Variants in IRF2 observed in about 807,000 individuals in gnomAD.
IRF2 encodes the protein interferon regulatory factor 2.
Under a neutral mutation model 40.6 loss-of-function variants are expected in IRF2, and 15 were observed. The observed-to-expected ratio is 0.37, with a 90% CI of 0.25 to 0.57. The LOEUF (loss-of-function observed/expected upper bound fraction) is 0.57. IRF2 is among the 20% of genes least tolerant of loss of function. The pLI is 0.77. For missense variants in IRF2, 317 were observed against 455.7 expected (o/e 0.70, Z 2.77); for synonymous variants, 151 against 165.5 (o/e 0.91, Z 0.67).
chr4:184,473,802 T>C (rs1739621248), intron 1 of IRF2, among the ~76,000 whole-genome samples: 2 of 151,894 alleles, frequency 1.3e-5, no homozygotes, highest in South Asian at 4.2e-4. Context: ...TGCCTGCTTA[T>C]TTACGCTGGA....
At chr4:184,449,564 G>A (rs1738639157) in intron 1 of IRF2, among the ~76,000 whole-genome samples, 2 of 152,222 alleles carry the variant, frequency 1.3e-5, no homozygotes, top group South Asian at 4.1e-4. Flanking sequence ...AATGACGGAA[G>A]GAGCTTGCAG....
At chr4:184,460,683 A>ACG (rs1491581763) in intron 1 of IRF2, among the ~76,000 whole-genome samples, 1 of 150,896 alleles carries the variant, frequency 6.6e-6, no homozygotes, top group South Asian at 2.1e-4. Context: ...ACACACATGC[A>ACG]CGCACACACA....
chr4:184,443,791 C>G lies in IRF2; in HGVS notation c.-6-14721G>C, dbSNP rs1221419764. Among the ~76,000 whole-genome samples, 4 of 152,094 alleles carry G rather than the reference C, an allele frequency of 2.6e-5. No homozygotes were observed. In the East Asian group the frequency reaches 7.7e-4, roughly 29 times the overall value. ...TTAGTTCTTTGAGAAATCCAGGAGA[C>G]AGTTTTAAATCCACCCATCCCAGAA... On this transcript the variant is annotated intron_variant, in intron 1 of 8. Coordinates refer to ENST00000393593, the MANE Select transcript of IRF2 (RefSeq NM_002199.4).
At chr4:184,428,731 C>T (rs373368372) in intron 2 of IRF2, 453 of 538,546 alleles carry the variant, frequency 8.4e-4, no homozygotes, top group African/African-American at 3.2e-3. Flanking sequence ...CCCAAGAGGT[C>T]GAGGCTGCAG....
Position 184,465,201 on chromosome 4 carries a change from G to A in IRF2, c.-7+9178C>T, listed in dbSNP as rs115630747. ...AAGCCACCAATCTAAGTGTCTCCAA[G>A]TAGCCACAGCTGTCTGAGGACAAAG... On this transcript the variant is annotated intron_variant, in intron 1 of 8. Coordinates refer to ENST00000393593, the MANE Select transcript of IRF2 (RefSeq NM_002199.4). 5.5e-3 allele frequency among the ~76,000 whole-genome samples: 835 copies of A among 152,276 alleles called. 10 individuals carry two copies. The highest frequency in any genetic ancestry group is 0.019 in the African/African-American group (789 of 41,552).
intron 5 of IRF2, among the ~76,000 whole-genome samples, chr4:184,409,719 C>G (rs1737001675): frequency 6.6e-6 from 1 of 152,048 alleles, no homozygotes; most frequent in Non-Finnish European, 1.5e-5. Flanking sequence ...CATAGCAAGA[C>G]CCTGTCTCTA....
At chr4:184,471,955 A>G (rs1248284478) in intron 1 of IRF2, 2 of 152,264 alleles carry the variant, frequency 1.3e-5, no homozygotes, top group Non-Finnish European at 2.9e-5. Flanking sequence ...TTTAATTTTA[A>G]CAAGCAGTTA....
chr4:184,464,470 A>T (rs1389026202), intron 1 of IRF2, among the ~76,000 whole-genome samples: 1 of 152,182 alleles, frequency 6.6e-6, no homozygotes, highest in Non-Finnish European at 1.5e-5. Flanking sequence ...GAAGATAGGG[A>T]ATGTACAGGA....
chr4:184,448,555 C>T lies in IRF2; in HGVS notation c.-6-19485G>A, dbSNP rs1222341749. The T allele has an allele frequency of 6.6e-6, 1 of 152,184 alleles. No individual in the cohort carries two copies. Among genetic ancestry groups the T allele is most frequent in the Non-Finnish European group, 1.5e-5 (1 of 68,044 alleles). 9.4% of individuals were successfully genotyped at this position (152,184 alleles called of 1,614,324 possible). A position where few individuals can be genotyped will look rare whatever the true frequency, so the allele number is the denominator to read the frequency against. On this transcript the variant is annotated intron_variant, in intron 1 of 8. Coordinates refer to ENST00000393593, the MANE Select transcript of IRF2 (RefSeq NM_002199.4). The surrounding 1 kb of genome is among the most constrained non-coding windows in gnomAD (Gnocchi z 4.3). ...TTAGGCGCCAAAGATTTACCTCCAG[C>T]CAAACTTCTGTGCTAATTCAATAGA...
intron 1 of IRF2, among the ~76,000 whole-genome samples, chr4:184,432,771 C>G (rs1737934302): frequency 6.6e-6 from 1 of 152,178 alleles, no homozygotes; most frequent in South Asian, 2.1e-4. Flanking sequence ...AAGCCAAAGG[C>G]AGAGACTGCA....
At chr4:184,412,644 A>G (rs1224033071) in intron 5 of IRF2, among the ~76,000 whole-genome samples, 1 of 152,214 alleles carries the variant, frequency 6.6e-6, no homozygotes, top group Admixed American at 6.5e-5. Flanking sequence ...CAGAGGCGCA[A>G]TGCCACTGAC....
intron 8 of IRF2, among the ~76,000 whole-genome samples, chr4:184,390,220 A>AG (rs1736206229): frequency 1.3e-5 from 2 of 151,990 alleles, no homozygotes; most frequent in Non-Finnish European, 2.9e-5. Flanking sequence ...TGGGAGGGAG[A>AG]GGGGACGGGA....
intron 6 of IRF2, among the ~76,000 whole-genome samples, chr4:184,403,768 A>G (rs777444194): frequency 6.6e-5 from 10 of 152,218 alleles, no homozygotes; most frequent in Non-Finnish European, 1.5e-4. Flanking sequence ...CACCTTAGTG[A>G]GTCTCCAGGC....
chr4:184,416,183 G>T (rs1421186209), intron 5 of IRF2, among the ~76,000 whole-genome samples: 6 of 151,872 alleles, frequency 4.0e-5, no homozygotes, highest in Admixed American at 3.9e-4. Context: ...ATGCTTGGTG[G>T]CACACACCTG....
At chr4:184,449,362 C>G (rs1021400333) in intron 1 of IRF2, among the ~76,000 whole-genome samples, 15 of 152,218 alleles carry the variant, frequency 9.9e-5, no homozygotes, top group African/African-American at 3.6e-4. Context: ...AGTCACTTGA[C>G]AGCAAACCTT....
intron 1 of IRF2, among the ~76,000 whole-genome samples, chr4:184,445,475 G>A (rs1360896120): frequency 2.6e-5 from 4 of 152,218 alleles, no homozygotes; most frequent in South Asian, 2.1e-4. Flanking sequence ...TCAACATGGT[G>A]AAAGCCCATC....
In IRF2 at chr4:184,408,854, C is replaced by T. The variant is rs530165100; in HGVS notation, c.412-579G>A. ...CTGATCACCCTGGCCTGAGTCCAGC[C>T]GGGCAACCCCACACCATGGGCTTTA... On this transcript the variant is annotated intron_variant, in intron 5 of 8. Transcript: ENST00000393593. This position sits in a 1 kb window ranked among gnomAD's most constrained non-coding sequence, Gnocchi z 4.9. 1.3e-5 allele frequency among the ~76,000 whole-genome samples: 2 copies of T among 152,324 alleles called. No homozygotes were observed. The highest frequency in any genetic ancestry group is 2.1e-4 in the South Asian group (1 of 4,830).
chr4:184,408,127 G>C lies in IRF2; in HGVS notation c.529+31C>G. On this transcript the variant is annotated intron_variant, in intron 6 of 8. Transcript: ENST00000393593. This position sits in a 1 kb window ranked among gnomAD's most constrained non-coding sequence, Gnocchi z 4.9. ...TTAGGCCCCAGGGGGCTGCTGGTAT[G>C]TATAAAAAATGAGACGTCAAAACAG... is the stretch of plus-strand genomic sequence containing the variant. The C allele has an allele frequency of 7.6e-7, 1 of 1,321,894 alleles. No homozygotes were observed. Among genetic ancestry groups the C allele is most frequent in the Non-Finnish European group, 1.1e-6 (1 of 917,010 alleles). The allele number at this position is 1,321,894 out of a possible 1,614,324, so 81.9% of individuals were successfully genotyped here. A position where few individuals can be genotyped will look rare whatever the true frequency, so the allele number is the denominator to read the frequency against.
At chr4:184,443,710 T>C (rs920202763) in intron 1 of IRF2, among the ~76,000 whole-genome samples, 5 of 152,226 alleles carry the variant, frequency 3.3e-5, no homozygotes, top group African/African-American at 1.2e-4. Flanking sequence ...ATGATTTCTT[T>C]TCCTTTCAGT....
Sources: gnomAD v4.1 joint callset for allele counts (sites outside exome capture counted in the v4.1 genomes callset) on GRCh38, gnomAD v4.1.1 for gene constraint, Gnocchi (gnomAD v3.1) non-coding constraint, MANE v1.5 for transcripts, NCBI Gene and HGNC (gene_info 2026-07-23, HGNC 2026-07-21) for gene names.